The following PTPRG variants were observed in gnomAD, a reference collection of about 807,000 sequenced individuals.
The protein encoded by PTPRG is protein tyrosine phosphatase receptor type G, also known as receptor-type tyrosine-protein phosphatase gamma.
A neutral mutation model predicts 165.3 loss-of-function variants in PTPRG; 102 were observed. The ratio of observed to expected loss-of-function variants is 0.62; its 90% CI spans 0.53 to 0.73. The LOEUF (loss-of-function observed/expected upper bound fraction) is 0.73, where lower values mean the gene tolerates loss of function less well. Ranked by LOEUF, PTPRG falls within the 30% of genes least tolerant of loss-of-function variation. The pLI is 0.00. For synonymous variants in PTPRG, 675 were observed against 669.5 expected, an observed-to-expected ratio of 1.01 and a Z score of -0.13; for missense variants, 1,866 against 1,861.4, an observed-to-expected ratio of 1.00 and a Z score of -0.05.
At chr3:61,791,875 C>T (rs1299175810) in intron 2 of PTPRG, among the ~76,000 whole-genome samples, 1 of 152,228 alleles carries the variant, frequency 6.6e-6, no homozygotes, top group Non-Finnish European at 1.5e-5. Flanking sequence ...AAGGTCCTTT[C>T]TTGCCTTCAG....
rs2034606125 is a variant in PTPRG, at chr3:61,783,557, T to C, written c.190+34575T>C. Among the ~76,000 whole-genome samples, 3 of 152,106 alleles carry C rather than the reference T, an allele frequency of 2.0e-5. No homozygotes were observed. The South Asian group carries it at 6.2e-4, about 32-fold the overall frequency. On this transcript the variant is annotated intron_variant, in intron 2 of 29. Coordinates refer to ENST00000474889, the MANE Select transcript of PTPRG (RefSeq NM_002841.4). ...GGTGTGGCTTGGTGGACAGGGAAGA[T>C]GTCTGTGTGTCTGGGTGATATGTGT...
intron 2 of PTPRG, among the ~76,000 whole-genome samples, chr3:61,755,725 C>G (rs766142568): frequency 6.6e-6 from 1 of 152,162 alleles, no homozygotes; most frequent in South Asian, 2.1e-4. Context: ...AGAAGCAGCT[C>G]AGAAGCTCTA....
At chr3:61,812,497 A>G (rs1177543848) in intron 2 of PTPRG, among the ~76,000 whole-genome samples, 2 of 152,300 alleles carry the variant, frequency 1.3e-5, no homozygotes, top group Middle Eastern at 3.4e-3. Context: ...TAAACTTCCT[A>G]AGTTTCCACA....
At chr3:62,149,104 A>G (rs1704229254) in intron 6 of PTPRG, among the ~76,000 whole-genome samples, 1 of 152,168 alleles carries the variant, frequency 6.6e-6, no homozygotes, top group Non-Finnish European at 1.5e-5. Flanking sequence ...CTACTTTGCA[A>G]ACAGGACAGC....
chr3:62,235,309 A>T (rs185130793), intron 14 of PTPRG, among the ~76,000 whole-genome samples: 2 of 152,272 alleles, frequency 1.3e-5, no homozygotes, highest in Non-Finnish European at 1.5e-5. Context: ...ATTCCAGTCT[A>T]GGGTCTGAAG....
chr3:61,736,605 T>G (rs1229715679), intron 1 of PTPRG, among the ~76,000 whole-genome samples: 1 of 152,106 alleles, frequency 6.6e-6, no homozygotes, highest in Non-Finnish European at 1.5e-5. Context: ...TATAAATAGA[T>G]GAGTTGAATA....
intron 1 of PTPRG, among the ~76,000 whole-genome samples, chr3:61,673,166 T>TA (rs1407330605): frequency 6.6e-6 from 1 of 151,996 alleles, no homozygotes; most frequent in Non-Finnish European, 1.5e-5. Context: ...TGTCTCAAAA[T>TA]AAAATGGAAG....
rs748743926 is a variant in PTPRG at position 62,157,229 on chromosome 3, A to AT, written c.840+6dup. ...GTCCCCATCTCTTACCATCAGGTAGATATTCTTCCTCAAGTGGGGTTTCTG... is the reference window on the plus strand; with the variant it reads ...GTCCCCATCTCTTACCATCAGGTAGATTATTCTTCCTCAAGTGGGGTTTCTG... On this transcript the variant is annotated splice_donor_region_variant and intron_variant, in intron 7 of 29. Coordinates refer to ENST00000474889, the MANE Select transcript of PTPRG (RefSeq NM_002841.4). 4 of 1,611,232 alleles carry AT rather than the reference A, an allele frequency of 2.5e-6. No homozygotes were observed. The East Asian group carries it at 8.9e-5, about 36-fold the overall frequency.
At chr3:62,122,033 G>T (rs530978846) in intron 5 of PTPRG, among the ~76,000 whole-genome samples, 3 of 152,236 alleles carry the variant, frequency 2.0e-5, no homozygotes, top group African/African-American at 7.2e-5. Flanking sequence ...TGTCCTCCTC[G>T]AGATGGGGCT....
At chr3:62,012,127 G>C (rs1292104597) in intron 4 of PTPRG, among the ~76,000 whole-genome samples, 1 of 152,096 alleles carries the variant, frequency 6.6e-6, no homozygotes, top group Non-Finnish European at 1.5e-5. Context: ...TAATAGACAC[G>C]ACCTATATCA....
At chr3:61,803,723 C>T (rs1389612032) in intron 2 of PTPRG, among the ~76,000 whole-genome samples, 1 of 152,158 alleles carries the variant, frequency 6.6e-6, no homozygotes, top group African/African-American at 2.4e-5. Context: ...GGGTGACACA[C>T]CACCATATAC....
At chr3:62,202,053 C>T (rs1700107572) in intron 11 of PTPRG, among the ~76,000 whole-genome samples, 1 of 152,114 alleles carries the variant, frequency 6.6e-6, no homozygotes, top group South Asian at 2.1e-4. Context: ...GTTTCAGGCA[C>T]AGATTATTTT....
intron 1 of PTPRG, among the ~76,000 whole-genome samples, chr3:61,710,478 C>G (rs1287516309): frequency 6.6e-6 from 1 of 152,160 alleles, no homozygotes; most frequent in African/African-American, 2.4e-5. Context: ...CTCTTAGTCT[C>G]TTGACTAGTA....
At position 62,195,031 on chromosome 3, in the gene PTPRG, A is replaced by C. The variant is rs754173302; in HGVS notation, c.1219-31A>C. 1.2e-5 allele frequency: 19 copies of C among 1,604,350 alleles called. No individual in the cohort carries two copies. The highest frequency in any genetic ancestry group is 1.4e-5 in the Non-Finnish European group (16 of 1,171,214). On this transcript the variant is annotated intron_variant, in intron 9 of 29. Transcript: ENST00000474889. This position sits in a 1 kb window ranked among gnomAD's most constrained non-coding sequence, Gnocchi z 4.4. The stretch of plus-strand genomic sequence containing the variant: ...AAAGTGTGCCTTGGCCTTCAAAACT[A>C]ACTCACTGCTTTTTCCTTCTTTACT...
At position 62,281,052 on chromosome 3, in the gene PTPRG, C is replaced by T. The variant is rs546914620; in HGVS notation, c.3766-511C>T. On this transcript the variant is annotated intron_variant, in intron 26 of 29. Coordinates refer to ENST00000474889, the MANE Select transcript of PTPRG (RefSeq NM_002841.4). The stretch of plus-strand genomic sequence containing the variant: ...GTGAGATGATGGGTATGTTAATTTG[C>T]TCCTAATTATAGTAACCTTTTTACT... Among the ~76,000 whole-genome samples the T allele has an allele frequency of 2.0e-5, 3 of 152,108 alleles. No homozygotes were observed. In the South Asian group the frequency reaches 6.2e-4, roughly 32 times the overall value.
At chr3:62,086,042 A>G (rs148023887) in intron 5 of PTPRG, among the ~76,000 whole-genome samples, 130 of 152,324 alleles carry the variant, frequency 8.5e-4, no homozygotes, top group Middle Eastern at 3.4e-3. Flanking sequence ...TATTTTTAAA[A>G]TGATAAATAT....
intron 1 of PTPRG, among the ~76,000 whole-genome samples, chr3:61,720,248 C>T (rs565983549): frequency 2.6e-5 from 4 of 151,942 alleles, no homozygotes; most frequent in Non-Finnish European, 5.9e-5. Context: ...CTCAGCCTCC[C>T]GAGTAGCTGG....
intron 4 of PTPRG, among the ~76,000 whole-genome samples, chr3:62,012,156 C>A (rs1414188615): frequency 6.6e-6 from 1 of 152,156 alleles, no homozygotes; most frequent in East Asian, 1.9e-4. Flanking sequence ...CTAGATGTTT[C>A]TTCATGTCAA....
intron 2 of PTPRG, among the ~76,000 whole-genome samples, chr3:61,969,548 G>T (rs2040340083): frequency 6.6e-6 from 1 of 152,122 alleles, no homozygotes; most frequent in South Asian, 2.1e-4. Context: ...TTCTTCAAGG[G>T]CAAGAGGGAT....
Sources: gnomAD v4.1 joint callset for allele counts (sites outside exome capture counted in the v4.1 genomes callset) on GRCh38, gnomAD v4.1.1 for gene constraint, Gnocchi (gnomAD v3.1) non-coding constraint, MANE v1.5 for transcripts, NCBI Gene and HGNC (gene_info 2026-07-23, HGNC 2026-07-21) for gene names.